Variants in ZCCHC2 observed in about 807,000 individuals in gnomAD.
The protein encoded by ZCCHC2 is zinc finger CCHC domain-containing protein 2.
In ZCCHC2, 39 loss-of-function variants were observed where a neutral mutation model predicts 103.6. The observed-to-expected ratio is 0.38, with a 90% CI of 0.29 to 0.49. The LOEUF is 0.49. Ranked by LOEUF, ZCCHC2 falls within the 20% of genes least tolerant of loss-of-function variation. ZCCHC2 has a pLI of 0.96. For missense variants in ZCCHC2, 1,483 were observed against 1,491.0 expected, an observed-to-expected ratio of 0.99 and a Z score of 0.09; for synonymous variants, 687 against 608.9, an observed-to-expected ratio of 1.13 and a Z score of -1.89.
chr18:62,556,327 C>G, intron 6 of ZCCHC2, 30 bp downstream of exon 6: 1 of 1,504,820 alleles, frequency 6.6e-7, no homozygotes, highest in Non-Finnish European at 9.0e-7. Flanking sequence ...CTGTGGAAAT[C>G]TTTTTTCTTT....
chr18:62,526,448 T>A (rs929270447), intron 1 of ZCCHC2: 1 of 152,334 alleles, frequency 6.6e-6, no homozygotes. Context: ...CGACCCCGCA[T>A]TTTCTGCTGC....
chr18:62,554,231 G>A (rs1346314895), intron 5 of ZCCHC2, among the ~76,000 whole-genome samples: 2 of 152,294 alleles, frequency 1.3e-5, no homozygotes, highest in South Asian at 2.1e-4. Flanking sequence ...CATCATTTGT[G>A]TCTCAGAAGT....
chr18:62,533,924 T>A (rs1191223419), intron 1 of ZCCHC2, among the ~76,000 whole-genome samples: 4 of 151,958 alleles, frequency 2.6e-5, no homozygotes, highest in Middle Eastern at 6.8e-3. Flanking sequence ...TTTTGTCTTA[T>A]TTTGAATTGT....
At chr18:62,574,025 T>G in intron 12 of ZCCHC2, 32 bp from the exon 13 acceptor site, 1 of 1,580,734 alleles carries the variant, frequency 6.3e-7, no homozygotes, top group Non-Finnish European at 8.6e-7. Context: ...GTTATGCCCG[T>G]GTTAATATCT....
chr18:62,564,738 A>G, intron 10 of ZCCHC2, 103 bp downstream of exon 10: 1 of 943,136 alleles, frequency 1.1e-6, no homozygotes, highest in Non-Finnish European at 1.5e-6. Flanking sequence ...TTTTCTTTAT[A>G]TTTTTAATTC....
chr18:62,549,144 G>A (rs376710912), intron 4 of ZCCHC2, among the ~76,000 whole-genome samples: 34 of 151,596 alleles, frequency 2.2e-4, no homozygotes, highest in South Asian at 6.3e-4. Flanking sequence ...GTGTGAACCC[G>A]GGAGGTGGAG....
Position 62,523,969 on chromosome 18 carries a change from C to T in ZCCHC2, c.545C>T (p.Ser182Leu). ...ATCGTCTACCTGGCGCTGCTGGGCT[C>T]GGAGAACCGGGAGGCCGCTGGCCGT... is the stretch of plus-strand genomic sequence containing the variant. ...RLIVYLALLGSENREAAGRLH... is the reference protein window; with the variant it reads ...RLIVYLALLGLENREAAGRLH... Residue 182 changes from serine to leucine, a missense_variant, in exon 1 of 14, where the codon TCG (serine) becomes TTG (leucine). By Grantham distance (145) the Ser-to-Leu change is moderately radical. Coordinates refer to ENST00000269499, the MANE Select transcript of ZCCHC2 (RefSeq NM_017742.6). 3 of 1,499,898 alleles carry T rather than the reference C, an allele frequency of 2.0e-6. No homozygotes were observed. Among genetic ancestry groups the T allele is most frequent in the South Asian group, 1.3e-5 (1 of 79,092 alleles). The allele number at this position is 1,499,898 out of a possible 1,614,324, so 92.9% of individuals were successfully genotyped here. A position where few individuals can be genotyped will look rare whatever the true frequency, so the allele number is the denominator to read the frequency against.
intron 1 of ZCCHC2, among the ~76,000 whole-genome samples, chr18:62,531,293 GTA>G (rs1914661514): frequency 1.3e-5 from 2 of 152,180 alleles, no homozygotes; most frequent in African/African-American, 4.8e-5. Flanking sequence ...TGTTACAGGT[GTA>G]GCCTGGCTGG....
chr18:62,537,570 A>G (rs1315596622), intron 1 of ZCCHC2, among the ~76,000 whole-genome samples: 2 of 152,194 alleles, frequency 1.3e-5, no homozygotes, highest in Non-Finnish European at 2.9e-5. Flanking sequence ...TTCACCTAGC[A>G]TACTCTCTTT....
rs1470693555 is a variant in ZCCHC2 at position 62,575,406 on chromosome 18, C to T, written c.3325C>T (p.Pro1109Ser). 1 of 1,613,968 alleles carries T rather than the reference C, an allele frequency of 6.2e-7. No individual in the cohort carries two copies. Among genetic ancestry groups the T allele is most frequent in the Non-Finnish European group, 8.5e-7 (1 of 1,179,884 alleles). ...QQMAGFGRFY[P>S]VYPAPNVVAN... is the part of the protein sequence containing the mutation. The stretch of plus-strand genomic sequence containing the variant: ...GATGGCAGGATTTGGGAGATTCTAT[C>T]CTGTATATCCAGCACCTAACGTAGT... Residue 1109 changes from proline to serine, a missense_variant, in exon 13 of 14, where the codon CCT (proline) becomes TCT (serine). This residue lies in a region of ZCCHC2 where 884 missense variants were observed against 907.5 expected (regional missense o/e 0.97). Coordinates refer to ENST00000269499, the MANE Select transcript of ZCCHC2 (RefSeq NM_017742.6).
At chr18:62,544,934 C>T in intron 4 of ZCCHC2, 61 bp downstream of exon 4, 1 of 1,339,682 alleles carries the variant, frequency 7.5e-7, no homozygotes, top group Non-Finnish European at 1.0e-6. Context: ...CCAGAAACCT[C>T]AACGTCAAAA....
At chr18:62,538,636 TGG>T (rs1255138749) in intron 1 of ZCCHC2, among the ~76,000 whole-genome samples, 9 of 152,194 alleles carry the variant, frequency 5.9e-5, no homozygotes, top group Non-Finnish European at 1.2e-4. Context: ...TTTGTTTCCT[TGG>T]GTTTCTAAAT....
At chr18:62,557,147 T>A (rs1181657529) in intron 6 of ZCCHC2, among the ~76,000 whole-genome samples, 1 of 152,210 alleles carries the variant, frequency 6.6e-6, no homozygotes, top group African/African-American at 2.4e-5. Context: ...TTCCGTATGT[T>A]GAGTTTTGCC....
chr18:62,540,645 A>G (rs1360086657), intron 2 of ZCCHC2, among the ~76,000 whole-genome samples: 1 of 152,184 alleles, frequency 6.6e-6, no homozygotes, highest in Non-Finnish European at 1.5e-5. Flanking sequence ...AATAACCTGA[A>G]GTGGAGTTGG....
chr18:62,567,621 G>C (rs939770755), intron 11 of ZCCHC2, among the ~76,000 whole-genome samples: 2 of 152,052 alleles, frequency 1.3e-5, no homozygotes, highest in African/African-American at 4.8e-5. Context: ...TTCTGAAGAG[G>C]TGCATATTAC....
chr18:62,551,185 G>A (rs1284877937), intron 5 of ZCCHC2: 2 of 151,746 alleles, frequency 1.3e-5, no homozygotes, highest in Non-Finnish European at 2.9e-5. Context: ...TAGATTGAGG[G>A]TGTGGGATCA....
intron 14 of ZCCHC2, among the ~76,000 whole-genome samples, chr18:62,583,860 TGA>T (rs1032069509): frequency 1.3e-5 from 2 of 152,084 alleles, no homozygotes; most frequent in African/African-American, 4.8e-5. Context: ...GTCCCAGGGC[TGA>T]GAGGCAGGTG....
At chr18:62,582,095 A>G (rs1917052005), downstream of ZCCHC2, among the ~76,000 whole-genome samples, 1 of 152,240 alleles carries the variant, frequency 6.6e-6, no homozygotes, top group African/African-American at 2.4e-5. Flanking sequence ...AGTAGATAAA[A>G]TGGGATCAGA....
At chr18:62,579,889 A>AT (rs796894428), downstream of ZCCHC2, among the ~76,000 whole-genome samples, 8,258 of 146,182 alleles carry the variant, frequency 0.056, 254 homozygotes, top group Middle Eastern at 0.11. Context: ...CGCCCAGCCA[A>AT]TTTTTTTTTT....
Sources: allele counts gnomAD v4.1 joint callset (sites outside exome capture counted in the v4.1 genomes callset), GRCh38; gene constraint gnomAD v4.1.1; regional missense constraint gnomAD v4.1.1; transcripts MANE v1.5; gene names NCBI Gene and HGNC (gene_info 2026-07-23, HGNC 2026-07-21).